Variants in GREB1L observed in about 807,000 individuals in gnomAD.
GREB1L encodes GREB1 like retinoic acid receptor coactivator.
A neutral mutation model predicts 200.8 loss-of-function variants in GREB1L; 17 were observed. The ratio of observed to expected loss-of-function variants is 0.08; its 90% CI spans 0.06 to 0.13. The LOEUF (loss-of-function observed/expected upper bound fraction) is 0.13, where lower values mean the gene tolerates loss of function less well. Ranked by LOEUF, GREB1L falls within the 10% of genes least tolerant of loss-of-function variation. The pLI is 1.00. For synonymous variants in GREB1L, 789 were observed against 893.0 expected (o/e 0.88, Z 2.08); for missense variants, 1,657 against 2,367.7 (o/e 0.70, Z 6.23).
chr18:21,295,919 A>G (rs2038519813), intron 1 of GREB1L, among the ~76,000 whole-genome samples: 1 of 152,256 alleles, frequency 6.6e-6, no homozygotes, highest in South Asian at 2.1e-4. Flanking sequence ...CTAAAAAGTC[A>G]AAAAACAATG....
chr18:21,509,539 G>A (rs2037153209), intron 27 of GREB1L, among the ~76,000 whole-genome samples: 1 of 152,022 alleles, frequency 6.6e-6, no homozygotes, highest in African/African-American at 2.4e-5. Context: ...TCCTTTCTAT[G>A]CCTTTTCATG....
chr18:21,521,951 C>T (rs1282920281), intron 32 of GREB1L, among the ~76,000 whole-genome samples: 1 of 127,258 alleles, frequency 7.9e-6, no homozygotes, highest in Non-Finnish European at 1.6e-5. Flanking sequence ...TTGCAGTGAG[C>T]CAAGATTGCA....
chr18:21,488,187 T>C (rs1260064591), intron 18 of GREB1L, among the ~76,000 whole-genome samples: 1 of 152,004 alleles, frequency 6.6e-6, no homozygotes, highest in Non-Finnish European at 1.5e-5. Flanking sequence ...TCCCAGCTAC[T>C]CAGGAGGCTG....
intron 1 of GREB1L, among the ~76,000 whole-genome samples, chr18:21,285,982 G>A (rs1212317850): frequency 4.6e-5 from 7 of 152,134 alleles, no homozygotes; most frequent in African/African-American, 1.7e-4. Flanking sequence ...TTCTCAAATG[G>A]TCTGTGATGA....
chr18:21,374,869 T>C (rs76042683), intron 2 of GREB1L, among the ~76,000 whole-genome samples: 34 of 140,250 alleles, frequency 2.4e-4, no homozygotes, highest in Middle Eastern at 3.5e-3. Context: ...TTTTTTTTTT[T>C]CCACACAGGG....
intron 1 of GREB1L, among the ~76,000 whole-genome samples, chr18:21,258,761 A>G (rs1216456657): frequency 6.6e-6 from 1 of 152,192 alleles, no homozygotes; most frequent in Non-Finnish European, 1.5e-5. Context: ...TGTGTTTATA[A>G]TCCTTCGTGC....
At chr18:21,490,399 T>C in intron 19 of GREB1L, 48 bp downstream of exon 19, 1 of 1,484,544 alleles carries the variant, frequency 6.7e-7, no homozygotes. Context: ...TTTGTTTCTC[T>C]TTTCTAGGAA....
intron 7 of GREB1L, among the ~76,000 whole-genome samples, chr18:21,435,996 G>A (rs896961034): frequency 2.0e-5 from 3 of 152,078 alleles, no homozygotes; most frequent in South Asian, 2.1e-4. Context: ...AGAACTACTC[G>A]GGAAGTGAAA....
intron 1 of GREB1L, among the ~76,000 whole-genome samples, chr18:21,281,279 C>T (rs2038264968): frequency 1.3e-5 from 2 of 152,218 alleles, no homozygotes; most frequent in African/African-American, 4.8e-5. Context: ...CTAAGCTTCC[C>T]TCATTGCTGA....
intron 16 of GREB1L, among the ~76,000 whole-genome samples, chr18:21,473,812 C>T (rs1042209272): frequency 1.3e-5 from 2 of 152,190 alleles, no homozygotes; most frequent in African/African-American, 4.8e-5. Flanking sequence ...ATTGGACTCA[C>T]AGCTCCTCGT....
intron 1 of GREB1L, among the ~76,000 whole-genome samples, chr18:21,353,031 A>T (rs1265024782): frequency 6.6e-6 from 1 of 151,912 alleles, no homozygotes; most frequent in Non-Finnish European, 1.5e-5. Flanking sequence ...AATACAAAAA[A>T]GTTAGCCGGG....
rs188574377 is a variant in GREB1L, at chr18:21,382,826, C to T, written c.-9-684C>T. 2.6e-5 allele frequency among the ~76,000 whole-genome samples: 4 copies of T among 152,054 alleles called. No homozygotes were observed. The East Asian group carries it at 7.7e-4, about 29-fold the overall frequency. On this transcript the variant is annotated intron_variant, in intron 2 of 32. Transcript: ENST00000424526. ...TTTATAACCAGCAAGTACTATAGTA[C>T]TATATAAATATTAGTGATGAGAAGT... is the stretch of plus-strand genomic sequence containing the variant.
chr18:21,508,344 GCTTTAATTTCC>G, intron 26 of GREB1L, 32 bp from the exon 27 acceptor site: 1 of 1,550,250 alleles, frequency 6.5e-7, no homozygotes, highest in South Asian at 1.2e-5. Flanking sequence ...CAATCTAGAG[GCTTTAATTTCC>G]CTTTATGGTC....
intron 32 of GREB1L, among the ~76,000 whole-genome samples, chr18:21,521,742 G>C (rs1035926009): frequency 6.6e-6 from 1 of 151,830 alleles, no homozygotes; most frequent in African/African-American, 2.4e-5. Flanking sequence ...GATGGCTCAC[G>C]CCTGTAATCC....
At chr18:21,453,873 G>A (rs2034637740) in intron 14 of GREB1L, among the ~76,000 whole-genome samples, 1 of 152,148 alleles carries the variant, frequency 6.6e-6, no homozygotes. Context: ...TTGCTAAAGA[G>A]GAAATATTTA....
chr18:21,348,394 T>A (rs749736584), intron 1 of GREB1L, among the ~76,000 whole-genome samples: 1 of 151,974 alleles, frequency 6.6e-6, no homozygotes, highest in African/African-American at 2.4e-5. Flanking sequence ...ATCCCAGCAC[T>A]CTAGGAGGTT....
chr18:21,284,783 A>G (rs2038326998), intron 1 of GREB1L, among the ~76,000 whole-genome samples: 2 of 152,188 alleles, frequency 1.3e-5, no homozygotes, highest in Admixed American at 1.3e-4. Flanking sequence ...GTACCAGTTT[A>G]TGTTCCCATT....
intron 1 of GREB1L, among the ~76,000 whole-genome samples, chr18:21,261,470 C>T (rs1443100522): frequency 6.6e-6 from 1 of 152,066 alleles, no homozygotes; most frequent in Non-Finnish European, 1.5e-5. Context: ...TTTTCAACTT[C>T]CCTACAATAA....
intron 11 of GREB1L, among the ~76,000 whole-genome samples, chr18:21,447,554 A>T (rs1188046037): frequency 1.1e-4 from 16 of 152,178 alleles, no homozygotes; most frequent in Non-Finnish European, 2.4e-4. Context: ...GCCTCCTGAT[A>T]GAATATGTTA....
Sources: allele counts gnomAD v4.1 joint callset (sites outside exome capture counted in the v4.1 genomes callset), GRCh38; gene constraint gnomAD v4.1.1; transcripts MANE v1.5; gene names NCBI Gene and HGNC (gene_info 2026-07-23, HGNC 2026-07-21).